PBX3: variants seen among roughly 807,000 people sequenced by gnomAD.
PBX3 encodes the protein PBX homeobox 3, also known as pre-B-cell leukemia transcription factor 3.
In PBX3, 14 loss-of-function variants were observed where a neutral mutation model predicts 48.5. That is an observed-to-expected ratio of 0.29 (90% CI 0.19 to 0.45). The LOEUF (loss-of-function observed/expected upper bound fraction) is 0.45, where lower values mean the gene tolerates loss of function less well. Ranked by LOEUF, PBX3 falls within the 20% of genes least tolerant of loss-of-function variation. The pLI is 1.00. For missense variants in PBX3, 386 were observed against 546.7 expected, an observed-to-expected ratio of 0.71 and a Z score of 2.93; for synonymous variants, 210 against 200.3, an observed-to-expected ratio of 1.05 and a Z score of -0.41.
chr9:125,781,696 T>C (rs1837322690), intron 2 of PBX3, among the ~76,000 whole-genome samples: 2 of 151,998 alleles, frequency 1.3e-5, no homozygotes, highest in South Asian at 4.1e-4. Context: ...TGTTTTGTTG[T>C]TTCCACTCCA....
intron 5 of PBX3, among the ~76,000 whole-genome samples, chr9:125,940,388 A>G (rs1281497764): frequency 6.6e-6 from 1 of 152,210 alleles, no homozygotes; most frequent in Non-Finnish European, 1.5e-5. Flanking sequence ...ATTTAAAAAG[A>G]CTGTTTCCAT....
chr9:125,797,596 A>G (rs969349592), intron 2 of PBX3: 1 of 152,172 alleles, frequency 6.6e-6, no homozygotes, highest in African/African-American at 2.4e-5. Flanking sequence ...TATGAGATAC[A>G]TATAGTACAC....
At chr9:125,834,228 G>T (rs756876125) in intron 2 of PBX3, among the ~76,000 whole-genome samples, 34 of 152,232 alleles carry the variant, frequency 2.2e-4, no homozygotes, top group Non-Finnish European at 4.3e-4. Flanking sequence ...AAAGTAGTTT[G>T]GGAAGGTTTC....
intron 2 of PBX3, among the ~76,000 whole-genome samples, chr9:125,796,862 G>A (rs1453087930): frequency 6.6e-6 from 1 of 151,904 alleles, no homozygotes; most frequent in African/African-American, 2.4e-5. Flanking sequence ...CCTTATGGAC[G>A]TACACACACA....
At position 125,892,359 on chromosome 9, in the gene PBX3, C is replaced by T. The variant is rs527713870; in HGVS notation, c.275-23327C>T. 3.3e-5 allele frequency among the ~76,000 whole-genome samples: 5 copies of T among 152,014 alleles called. No homozygotes were observed. The South Asian group carries it at 1.0e-3, about 32-fold the overall frequency. On this transcript the variant is annotated intron_variant, in intron 2 of 8. Transcript: ENST00000373489. ...GCTATCATCTGTGAGATTTTTATCT[C>T]TGAGATAAATTTCCAAAATAAGTTA...
intron 4 of PBX3, among the ~76,000 whole-genome samples, chr9:125,930,972 T>C (rs1484337996): frequency 6.6e-6 from 1 of 152,252 alleles, no homozygotes; most frequent in Non-Finnish European, 1.5e-5. Context: ...TTGTGAAGAT[T>C]TTATTATTCT....
At chr9:125,960,227 C>G (rs560868722) in intron 5 of PBX3, among the ~76,000 whole-genome samples, 31 of 152,338 alleles carry the variant, frequency 2.0e-4, no homozygotes, top group African/African-American at 7.5e-4. Flanking sequence ...ATTGATGTTA[C>G]TCTTTTCAGC....
At chr9:125,884,200 G>A (rs999385520) in intron 2 of PBX3, among the ~76,000 whole-genome samples, 6 of 152,140 alleles carry the variant, frequency 3.9e-5, no homozygotes, top group Non-Finnish European at 7.4e-5. Context: ...AGCAGCTTTG[G>A]CATTTCTATT....
At chr9:125,945,249 G>A (rs1413493710) in intron 5 of PBX3, among the ~76,000 whole-genome samples, 1 of 151,566 alleles carries the variant, frequency 6.6e-6, no homozygotes, top group Non-Finnish European at 1.5e-5. Flanking sequence ...AAAATAGCAT[G>A]TACTTCCTAG....
chr9:125,864,830 C>T (rs970661192), intron 2 of PBX3, among the ~76,000 whole-genome samples: 3 of 152,164 alleles, frequency 2.0e-5, no homozygotes, highest in Non-Finnish European at 2.9e-5. Flanking sequence ...AGCACCGGTC[C>T]GTGACTTGGG....
intron 2 of PBX3, among the ~76,000 whole-genome samples, chr9:125,785,321 C>CGTGG (rs1176736708): frequency 1.3e-5 from 2 of 152,128 alleles, no homozygotes; most frequent in Admixed American, 1.3e-4. Context: ...TTACCCTCAG[C>CGTGG]GTGGGTGGGC....
chr9:125,755,460 A>G (rs1256498923), intron 2 of PBX3, among the ~76,000 whole-genome samples: 2 of 152,134 alleles, frequency 1.3e-5, no homozygotes, highest in Non-Finnish European at 2.9e-5. Flanking sequence ...TTTGCAATGC[A>G]AAGTGGTTTG....
intron 2 of PBX3, among the ~76,000 whole-genome samples, chr9:125,908,504 G>T (rs1416946920): frequency 6.6e-6 from 1 of 152,050 alleles, no homozygotes; most frequent in Non-Finnish European, 1.5e-5. Context: ...AATAATATGA[G>T]TATTAATAAT....
At chr9:125,823,178 A>G (rs1490338907) in intron 2 of PBX3, among the ~76,000 whole-genome samples, 2 of 152,182 alleles carry the variant, frequency 1.3e-5, no homozygotes, top group African/African-American at 4.8e-5. Flanking sequence ...GGAGAAACGA[A>G]CATTCTCTGG....
intron 2 of PBX3, among the ~76,000 whole-genome samples, chr9:125,866,120 G>T (rs376043870): frequency 2.0e-5 from 3 of 151,890 alleles, no homozygotes; most frequent in African/African-American, 7.2e-5. Flanking sequence ...CTTCTAAATA[G>T]TGCTAAACAC....
intron 8 of PBX3, among the ~76,000 whole-genome samples, chr9:125,963,665 C>T (rs1358448530): frequency 6.6e-6 from 1 of 152,004 alleles, no homozygotes; most frequent in Non-Finnish European, 1.5e-5. Flanking sequence ...TGGCAAAACA[C>T]ACAGCTCTGG....
intron 2 of PBX3, among the ~76,000 whole-genome samples, chr9:125,880,725 G>A (rs766264087): frequency 1.3e-5 from 2 of 151,922 alleles, no homozygotes; most frequent in Non-Finnish European, 2.9e-5. Context: ...AAATCAAACG[G>A]TTATCTTTTA....
intron 2 of PBX3, among the ~76,000 whole-genome samples, chr9:125,797,915 G>A (rs1837831988): frequency 6.6e-6 from 1 of 152,070 alleles, no homozygotes; most frequent in Non-Finnish European, 1.5e-5. Flanking sequence ...AATAATCCTT[G>A]AGAATGCACA....
chr9:125,877,810 C>T (rs1325325589), intron 2 of PBX3, among the ~76,000 whole-genome samples: 2 of 152,216 alleles, frequency 1.3e-5, no homozygotes, highest in African/African-American at 4.8e-5. Flanking sequence ...GAGTACCTAT[C>T]ACGTGCTGGG....
Sources: allele counts gnomAD v4.1 joint callset (sites outside exome capture counted in the v4.1 genomes callset), GRCh38; gene constraint gnomAD v4.1.1; transcripts MANE v1.5; gene names NCBI Gene and HGNC (gene_info 2026-07-23, HGNC 2026-07-21).